LILRB1: variants seen among roughly 807,000 people sequenced by gnomAD.
LILRB1 encodes the protein leukocyte immunoglobulin like receptor B1, also known as leukocyte immunoglobulin-like receptor subfamily B member 1.
LILRB1 carries 59 observed loss-of-function variants against 74.6 expected under a neutral mutation model. That is an observed-to-expected ratio of 0.79 (90% confidence interval 0.64 to 0.98). The LOEUF is 0.98. LILRB1 is among the 50% of genes least tolerant of loss of function. LILRB1 has a pLI of 0.00. For missense variants in LILRB1, 804 were observed against 822.6 expected (o/e 0.98, Z 0.28); for synonymous variants, 328 against 333.9 (o/e 0.98, Z 0.19).
Position 54,631,064 on chromosome 19 carries a change from A to G in LILRB1, c.-10A>G, listed in dbSNP as rs948466493. The G allele has an allele frequency of 1.2e-6, 2 of 1,614,178 alleles. No individual in the cohort carries two copies. The highest frequency in any genetic ancestry group is 1.7e-6 in the Non-Finnish European group (2 of 1,180,020). On this transcript the variant is annotated 5_prime_UTR_variant, in exon 2 of 15. Coordinates refer to ENST00000324602, the MANE Select transcript of LILRB1 (RefSeq NM_001081637.3). The stretch of plus-strand genomic sequence containing the variant: ...TCCATCCACAGAGCAGGGCAGTGGG[A>G]GGAGACGCCATGACCCCCATCCTCA...
chr19:54,631,141 T>A, intron 2 of LILRB1, 34 bp downstream of exon 2: 2 of 1,613,670 alleles, frequency 1.2e-6, no homozygotes, highest in Non-Finnish European at 1.7e-6. Context: ...GCTTCTAACC[T>A]AAGAGGGACC....
Sources: gnomAD v4.1 joint callset for allele counts on GRCh38, gnomAD v4.1.1 for gene constraint, MANE v1.5 for transcripts, NCBI Gene and HGNC (gene_info 2026-07-23, HGNC 2026-07-21) for gene names.